The following MPP7 variants were observed in gnomAD, a reference collection of about 807,000 sequenced individuals.
MPP7 encodes the protein MAGUK p55 subfamily member 7.
A neutral mutation model predicts 76.5 loss-of-function variants in MPP7; 60 were observed. The observed-to-expected ratio is 0.78, with a 90% CI of 0.64 to 0.97. The LOEUF (loss-of-function observed/expected upper bound fraction) is 0.97, where lower values mean the gene tolerates loss of function less well. Ranked by LOEUF, MPP7 falls within the 50% of genes least tolerant of loss-of-function variation. The probability of loss-of-function intolerance (pLI) is 0.00; values close to 1 mark genes in which losing one functional copy is unlikely to be tolerated. For missense variants in MPP7, 641 were observed against 694.0 expected, an observed-to-expected ratio of 0.92 and a Z score of 0.86; for synonymous variants, 237 against 244.5, an observed-to-expected ratio of 0.97 and a Z score of 0.29.
intron 1 of MPP7, among the ~76,000 whole-genome samples, chr10:28,249,161 TTG>T (rs1839531447): frequency 6.6e-6 from 1 of 151,850 alleles, no homozygotes; most frequent in Admixed American, 6.6e-5. Flanking sequence ...ATTATTTATT[TTG>T]TGTTTCTGCC....
chr10:28,296,225 A>G (rs1247500254), intron 1 of MPP7, among the ~76,000 whole-genome samples: 1 of 152,138 alleles, frequency 6.6e-6, no homozygotes, highest in East Asian at 1.9e-4. Flanking sequence ...CACCTTTTCC[A>G]TGCCCACGCT....
intron 3 of MPP7, among the ~76,000 whole-genome samples, chr10:28,159,464 T>C (rs1413390578): frequency 6.6e-6 from 1 of 152,250 alleles, no homozygotes; most frequent in Non-Finnish European, 1.5e-5. Flanking sequence ...AAATAAAAGT[T>C]TTTGAAGAGT....
chr10:28,216,122 C>T (rs1217050911), intron 2 of MPP7, among the ~76,000 whole-genome samples: 1 of 145,282 alleles, frequency 6.9e-6, no homozygotes, highest in Non-Finnish European at 1.5e-5. Context: ...CCAGTAAACC[C>T]AACACCCAAC....
rs1838036061 is a variant in MPP7, at chr10:28,208,892, GA to G, written c.38-6622del. Among the ~76,000 whole-genome samples the G allele has an allele frequency of 3.9e-5, 6 of 152,188 alleles. No homozygotes were observed. The South Asian group carries it at 1.2e-3, about 32-fold the overall frequency. ...ATGTTGAATTGTAATCCCAAATTGG[GA>G]CCTGGTGGAAGGTGACTGGATCATG... On this transcript the variant is annotated intron_variant, in intron 2 of 16. Coordinates refer to ENST00000683449, the MANE Select transcript of MPP7 (RefSeq NM_001318170.2).
intron 13 of MPP7, among the ~76,000 whole-genome samples, chr10:28,062,540 AC>A (rs1851831621): frequency 1.1e-5 from 1 of 94,936 alleles, no homozygotes; most frequent in Non-Finnish European, 1.9e-5. Flanking sequence ...AAACACACAC[AC>A]ACACACACAC....
intron 6 of MPP7, among the ~76,000 whole-genome samples, chr10:28,129,960 T>C (rs1373396880): frequency 6.6e-6 from 1 of 152,144 alleles, no homozygotes; most frequent in Non-Finnish European, 1.5e-5. Context: ...AAACAGAATT[T>C]CATTTTCAAG....
In MPP7 at chr10:28,119,011, A is replaced by C. The variant is rs1028249193; in HGVS notation, c.952+640T>G. ...GGAACAGGGAATTTATGGGATGCAG[A>C]CTTGAAGAGCTGGGTGGTGGGAAAT... On this transcript the variant is annotated intron_variant, in intron 11 of 16. Transcript: ENST00000683449. 3.0e-6 allele frequency: 3 copies of C among 985,270 alleles called. No homozygotes were observed. The African/African-American group carries it at 5.2e-5, about 17-fold the overall frequency. The allele number at this position is 985,270 out of a possible 1,614,324, so 61.0% of individuals were successfully genotyped here.
At chr10:28,158,069 A>T (rs1836128898) in intron 3 of MPP7, among the ~76,000 whole-genome samples, 1 of 152,210 alleles carries the variant, frequency 6.6e-6, no homozygotes, top group Non-Finnish European at 1.5e-5. Context: ...AGTTAGTGAT[A>T]AGTGGACATA....
intron 6 of MPP7, among the ~76,000 whole-genome samples, chr10:28,130,516 C>T (rs1835158174): frequency 6.6e-6 from 1 of 152,192 alleles, no homozygotes; most frequent in African/African-American, 2.4e-5. Flanking sequence ...AATCACTTGC[C>T]AAGCATTTCC....
chr10:28,075,108 G>C (rs545888886), intron 12 of MPP7, among the ~76,000 whole-genome samples: 1 of 152,144 alleles, frequency 6.6e-6, no homozygotes, highest in Admixed American at 6.6e-5. Context: ...GGAAGAAGGG[G>C]AAGAGGGGAG....
chr10:28,261,627 AC>A lies in MPP7; in HGVS notation c.-131-22893del, dbSNP rs1490885278. Among the ~76,000 whole-genome samples, 4 of 152,120 alleles carry A rather than the reference AC, an allele frequency of 2.6e-5. No individual in the cohort carries two copies. In the East Asian group the frequency reaches 7.7e-4, roughly 29 times the overall value. Reference sequence around the variant, plus strand: ...TACACAGAGTGTGGATATCAGACACACCCCAATGACAATGACGTAGAACACC... The same window carrying A: ...TACACAGAGTGTGGATATCAGACACACCCAATGACAATGACGTAGAACACC... On this transcript the variant is annotated intron_variant, in intron 1 of 16. Coordinates refer to ENST00000683449, the MANE Select transcript of MPP7 (RefSeq NM_001318170.2).
At chr10:28,225,519 A>G (rs951259830) in intron 2 of MPP7, among the ~76,000 whole-genome samples, 3 of 152,340 alleles carry the variant, frequency 2.0e-5, no homozygotes, top group Admixed American at 2.0e-4. Context: ...TTCAGTAAAC[A>G]TTTCTCTAAA....
At chr10:28,055,896 G>T (rs1434453603) in intron 16 of MPP7, among the ~76,000 whole-genome samples, 7 of 151,224 alleles carry the variant, frequency 4.6e-5, no homozygotes, top group Non-Finnish European at 7.4e-5. Context: ...AATTGAATAT[G>T]AAGATCCATT....
intron 6 of MPP7, among the ~76,000 whole-genome samples, chr10:28,127,509 T>C (rs748823167): frequency 1.3e-5 from 2 of 152,080 alleles, no homozygotes; most frequent in Non-Finnish European, 2.9e-5. Context: ...GCAATCATGG[T>C]GGAAGGCAAG....
At chr10:28,316,455 A>AC (rs1834321453) in intron 2 of MPP7, among the ~76,000 whole-genome samples, 1 of 146,816 alleles carries the variant, frequency 6.8e-6, no homozygotes, top group African/African-American at 2.6e-5. Flanking sequence ...AAAAAAAAAA[A>AC]AAAAAAAAAA....
rs1395043610 is a variant in MPP7 at position 28,287,359 on chromosome 10, A to C, written c.-132+15502T>G. ...TTAATACACAAAATAAAAATAAAAC[A>C]CAAAGACACAAGGAAACTTTGGAGG... is the stretch of plus-strand genomic sequence containing the variant. On this transcript the variant is annotated intron_variant, in intron 1 of 16. Coordinates refer to ENST00000683449, the MANE Select transcript of MPP7 (RefSeq NM_001318170.2). Among the ~76,000 whole-genome samples, 3 of 152,346 alleles carry C rather than the reference A, an allele frequency of 2.0e-5. No homozygotes were observed. The East Asian group carries it at 5.8e-4, about 29-fold the overall frequency.
At chr10:28,090,675 G>C (rs1317790) in intron 11 of MPP7, among the ~76,000 whole-genome samples, 1 of 152,080 alleles carries the variant, frequency 6.6e-6, no homozygotes, top group African/African-American at 2.4e-5. Flanking sequence ...GTAGTGTAGC[G>C]TGTGCTTATG....
intron 2 of MPP7, among the ~76,000 whole-genome samples, chr10:28,232,756 A>C (rs1229928027): frequency 6.6e-6 from 1 of 152,096 alleles, no homozygotes; most frequent in African/African-American, 2.4e-5. Context: ...CTGACGTAGG[A>C]GTCATTAAGG....
At position 28,197,961 on chromosome 10, in the gene MPP7, G is replaced by A. The variant is rs148036877; in HGVS notation, c.156+4192C>T. Among the ~76,000 whole-genome samples the A allele has an allele frequency of 4.2e-4, 64 of 152,132 alleles. No homozygotes were observed. In the East Asian group the frequency reaches 8.3e-3, roughly 20 times the overall value. On this transcript the variant is annotated intron_variant, in intron 3 of 16. Transcript: ENST00000683449. ...AAACAATGTAACCAGATGTTACAGG[G>A]GTCTGAGTATTTATCATTACTTGTA...
Sources: gnomAD v4.1 joint callset for allele counts (sites outside exome capture counted in the v4.1 genomes callset) on GRCh38, gnomAD v4.1.1 for gene constraint, MANE v1.5 for transcripts, NCBI Gene and HGNC (gene_info 2026-07-23, HGNC 2026-07-21) for gene names.